Variants in ASIC2 observed in about 807,000 individuals in gnomAD.
ASIC2 encodes acid-sensing ion channel 2.
A neutral mutation model predicts 57.3 loss-of-function variants in ASIC2; 25 were observed. The ratio of observed to expected loss-of-function variants is 0.44; its 90% CI spans 0.32 to 0.61. ASIC2 has a LOEUF of 0.61. ASIC2 is among the 20% of genes least tolerant of loss of function. The probability of loss-of-function intolerance (pLI) is 0.06; values close to 1 mark genes in which losing one functional copy is unlikely to be tolerated. For synonymous variants in ASIC2, 319 were observed against 307.5 expected (o/e 1.04, Z -0.39); for missense variants, 641 against 738.1 (o/e 0.87, Z 1.52).
At chr17:33,536,165 T>C (rs2057183251) in intron 1 of ASIC2, among the ~76,000 whole-genome samples, 1 of 149,330 alleles carries the variant, frequency 6.7e-6, no homozygotes, top group African/African-American at 2.4e-5. Context: ...CATGTGCTTC[T>C]GAGCCGCTTC....
intron 1 of ASIC2, among the ~76,000 whole-genome samples, chr17:33,580,603 T>C (rs879861175): frequency 8.6e-5 from 13 of 152,016 alleles, no homozygotes; most frequent in Non-Finnish European, 1.6e-4. Flanking sequence ...TCAGGTTAGC[T>C]CAGGATTAGG....
chr17:33,959,726 T>A (rs1178955898), intron 1 of ASIC2, among the ~76,000 whole-genome samples: 1 of 152,254 alleles, frequency 6.6e-6, no homozygotes, highest in Non-Finnish European at 1.5e-5. Flanking sequence ...GCTGACTAGA[T>A]GGCGCCCACT....
At chr17:33,265,625 A>G (rs1909429709) in intron 1 of ASIC2, among the ~76,000 whole-genome samples, 1 of 152,196 alleles carries the variant, frequency 6.6e-6, no homozygotes, top group Non-Finnish European at 1.5e-5. Flanking sequence ...CCTATGTAAG[A>G]AACCTGCACG....
intron 1 of ASIC2, among the ~76,000 whole-genome samples, chr17:33,208,354 T>A (rs116145234): frequency 8.1e-4 from 123 of 152,328 alleles, no homozygotes; most frequent in Non-Finnish European, 1.5e-3. Flanking sequence ...TAGAACAGAA[T>A]GCAAGCTCCT....
Position 33,305,308 on chromosome 17 carries a change from C to G in ASIC2, c.556-193241G>C, listed in dbSNP as rs181192608. 2.1e-3 allele frequency among the ~76,000 whole-genome samples: 327 copies of G among 152,284 alleles called. 2 individuals carry two copies. Among genetic ancestry groups the G allele is most frequent in the Non-Finnish European group, 3.1e-4 (21 of 68,030 alleles). ...CTCCTGCATTACATGATACAGCCTT[C>G]CAGGCACCAGGGATTCCACAGCATG... On this transcript the variant is annotated intron_variant, in intron 1 of 9. Transcript: ENST00000359872.
chr17:33,106,469 C>T (rs576572477), intron 2 of ASIC2, among the ~76,000 whole-genome samples: 32 of 152,252 alleles, frequency 2.1e-4, no homozygotes, highest in Non-Finnish European at 4.1e-4. Context: ...TTCTGACACT[C>T]GAACCCTTTT....
At chr17:33,743,223 A>C (rs1844736) in intron 1 of ASIC2, among the ~76,000 whole-genome samples, 16 of 152,382 alleles carry the variant, frequency 1.0e-4, no homozygotes, top group Admixed American at 1.0e-3. Context: ...AATTGTTCTA[A>C]AGGCATACAG....
intron 1 of ASIC2, among the ~76,000 whole-genome samples, chr17:33,636,881 A>ACC (rs1906387035): frequency 1.3e-5 from 2 of 150,502 alleles, no homozygotes; most frequent in Non-Finnish European, 3.0e-5. Context: ...ACACACACCC[A>ACC]CACACACACA....
chr17:33,567,815 T>A (rs1212389773), intron 1 of ASIC2, among the ~76,000 whole-genome samples: 1 of 152,098 alleles, frequency 6.6e-6, no homozygotes, highest in African/African-American at 2.4e-5. Context: ...ACTGCAAGAC[T>A]TTGCTACAAG....
chr17:33,667,620 T>G (rs1474007224), intron 1 of ASIC2, among the ~76,000 whole-genome samples: 2 of 152,212 alleles, frequency 1.3e-5, no homozygotes, highest in Non-Finnish European at 2.9e-5. Context: ...CATTTAACCT[T>G]TATGAAAACC....
intron 1 of ASIC2, among the ~76,000 whole-genome samples, chr17:33,813,733 G>T (rs1396705427): frequency 2.6e-5 from 4 of 152,248 alleles, no homozygotes; most frequent in Admixed American, 2.0e-4. Flanking sequence ...ACTGCGCCCG[G>T]CCTAAAGCCA....
intron 1 of ASIC2, among the ~76,000 whole-genome samples, chr17:33,911,863 G>A (rs1297141790): frequency 6.6e-6 from 1 of 152,182 alleles, no homozygotes; most frequent in East Asian, 1.9e-4. Context: ...TTCACAGGCC[G>A]GGTGTGGTAG....
intron 1 of ASIC2, among the ~76,000 whole-genome samples, chr17:33,700,286 A>AT (rs895635555): frequency 6.6e-6 from 1 of 152,118 alleles, no homozygotes; most frequent in African/African-American, 2.4e-5. Context: ...GAAAAAAAAA[A>AT]GTTTTCTGTT....
intron 1 of ASIC2, among the ~76,000 whole-genome samples, chr17:33,393,308 T>A (rs1400744863): frequency 1.3e-5 from 2 of 152,080 alleles, no homozygotes; most frequent in African/African-American, 2.4e-5. Context: ...TTGTAGCCAT[T>A]CACCATGGCT....
intron 1 of ASIC2, chr17:34,070,220 T>C (rs1909346400): frequency 6.6e-6 from 1 of 151,964 alleles, no homozygotes; most frequent in African/African-American, 2.4e-5. Context: ...AAAGTGACCA[T>C]ACCAATAAAG....
chr17:33,903,711 T>C (rs562918096), intron 1 of ASIC2, among the ~76,000 whole-genome samples: 41 of 152,186 alleles, frequency 2.7e-4, no homozygotes, highest in Non-Finnish European at 5.9e-4. Context: ...AACCAGGGGT[T>C]TGGACATGAG....
rs1383335006 is a variant in ASIC2, at chr17:33,717,196, T to C, written c.555+438782A>G. ...CACACAAAAAGGGTGTAATTACCAT[T>C]TCAGGAAAATATGTTAATTTGATGC... On this transcript the variant is annotated intron_variant, in intron 1 of 9. Transcript: ENST00000359872. Among the ~76,000 whole-genome samples, 3 of 152,362 alleles carry C rather than the reference T, an allele frequency of 2.0e-5. No individual in the cohort carries two copies. The East Asian group carries it at 5.8e-4, about 29-fold the overall frequency.
chr17:33,725,322 C>T (rs1909512412), intron 1 of ASIC2, among the ~76,000 whole-genome samples: 1 of 152,134 alleles, frequency 6.6e-6, no homozygotes, highest in Non-Finnish European at 1.5e-5. Context: ...GAAGAAAAGC[C>T]ATAATGACAA....
intron 1 of ASIC2, among the ~76,000 whole-genome samples, chr17:34,030,477 T>G (rs943677402): frequency 1.3e-5 from 2 of 152,218 alleles, no homozygotes; most frequent in African/African-American, 4.8e-5. Flanking sequence ...GGTACCAGGT[T>G]CATCTCACTG....
Sources: allele counts gnomAD v4.1 joint callset (sites outside exome capture counted in the v4.1 genomes callset), GRCh38; gene constraint gnomAD v4.1.1; transcripts MANE v1.5; gene names NCBI Gene and HGNC (gene_info 2026-07-23, HGNC 2026-07-21).